MSI2: variants seen among roughly 807,000 people sequenced by gnomAD.
MSI2 encodes RNA-binding protein Musashi homolog 2.
MSI2 carries 17 observed loss-of-function variants against 45.6 expected under a neutral mutation model. The observed-to-expected ratio is 0.37, with a 90% CI of 0.26 to 0.56. The LOEUF (loss-of-function observed/expected upper bound fraction) is 0.56. MSI2 is among the 20% of genes least tolerant of loss of function. The pLI is 0.77. For missense variants in MSI2, 293 were observed against 444.2 expected (o/e 0.66, Z 3.06); for synonymous variants, 156 against 158.2 (o/e 0.99, Z 0.11).
chr17:57,700,233 G>C, the MSI2 span, among the ~76,000 whole-genome samples: 2 of 152,196 alleles, frequency 1.3e-5, no homozygotes, highest in Non-Finnish European at 2.9e-5. Flanking sequence ...TAGCTCGGCT[G>C]TGCTTTTATG....
At position 57,524,693 on chromosome 17, in the gene MSI2, T is replaced by C. The variant is rs537782789; in HGVS notation, c.406-4983T>C. 2.8e-4 allele frequency among the ~76,000 whole-genome samples: 42 copies of C among 152,312 alleles called. No individual in the cohort carries two copies. In the South Asian group the frequency reaches 8.5e-3, roughly 31 times the overall value. ...TCTTATCATCTTTTCCATCGTGGGG[T>C]CTACCATCATCATTTTTAGGATTTT... On this transcript the variant is annotated intron_variant, in intron 6 of 13. Coordinates refer to ENST00000284073, the MANE Select transcript of MSI2 (RefSeq NM_138962.4).
chr17:57,671,794 G>A (rs1249126377), intron 11 of MSI2, among the ~76,000 whole-genome samples: 6 of 152,250 alleles, frequency 3.9e-5, no homozygotes, highest in South Asian at 4.1e-4. Flanking sequence ...TTTATGTGCC[G>A]AGTGGCAGTC....
At chr17:57,408,900 C>A (rs149990370) in intron 6 of MSI2, among the ~76,000 whole-genome samples, 3,567 of 152,000 alleles carry the variant, frequency 0.023, 141 homozygotes, top group African/African-American at 0.082. Flanking sequence ...CCCCCACCTC[C>A]GTAGGATACC....
intron 5 of MSI2, among the ~76,000 whole-genome samples, chr17:57,321,018 A>G (rs1243692084): frequency 1.3e-5 from 2 of 149,152 alleles, no homozygotes; most frequent in Admixed American, 1.3e-4. Context: ...ATTCTGTACC[A>G]CTCACCTGGA....
At chr17:57,533,697 C>A in intron 7 of MSI2, among the ~76,000 whole-genome samples, 1 of 152,278 alleles carries the variant, frequency 6.6e-6, no homozygotes, top group South Asian at 2.1e-4. Flanking sequence ...CAGGAGAGGG[C>A]AGAGGGAGAA....
intron 6 of MSI2, among the ~76,000 whole-genome samples, chr17:57,456,226 G>A (rs1246419536): frequency 2.0e-5 from 3 of 152,190 alleles, no homozygotes; most frequent in Non-Finnish European, 2.9e-5. Flanking sequence ...GGGTGCACAC[G>A]GGGAGACAGA....
At chr17:57,701,539 A>G in the MSI2 span, among the ~76,000 whole-genome samples, 1 of 152,100 alleles carries the variant, frequency 6.6e-6, no homozygotes, top group African/African-American at 2.4e-5. Context: ...TGAATTTCCC[A>G]GCCTCCAGAA....
intron 5 of MSI2, among the ~76,000 whole-genome samples, chr17:57,276,237 C>G (rs146319067): frequency 1.0e-3 from 155 of 152,298 alleles, no homozygotes; most frequent in African/African-American, 3.4e-3. Flanking sequence ...CCAAGTCCAT[C>G]GAGTTATGGG....
At chr17:57,532,992 A>G (rs2086851827) in intron 7 of MSI2, among the ~76,000 whole-genome samples, 1 of 152,218 alleles carries the variant, frequency 6.6e-6, no homozygotes, top group Admixed American at 6.5e-5. Context: ...GGGGATAACC[A>G]CAGGGAACTG....
At chr17:57,651,331 C>T (rs774884949) in intron 10 of MSI2, among the ~76,000 whole-genome samples, 31 of 152,236 alleles carry the variant, frequency 2.0e-4, no homozygotes, top group Admixed American at 6.5e-4. Context: ...TCATCTAGAC[C>T]GTGGGGCTCA....
At chr17:57,415,128 A>T (rs891798281) in intron 6 of MSI2, among the ~76,000 whole-genome samples, 5 of 151,960 alleles carry the variant, frequency 3.3e-5, no homozygotes, top group African/African-American at 1.2e-4. Context: ...GATGTTATGG[A>T]TCCTCTGGGC....
chr17:57,560,008 G>A (rs1038889887), intron 7 of MSI2, among the ~76,000 whole-genome samples: 5 of 152,258 alleles, frequency 3.3e-5, no homozygotes, highest in African/African-American at 4.8e-5. Context: ...TCTGAGGCCC[G>A]TGGCCATCTG....
At chr17:57,304,481 C>T (rs1457333755) in intron 5 of MSI2, among the ~76,000 whole-genome samples, 9 of 144,720 alleles carry the variant, frequency 6.2e-5, no homozygotes, top group Non-Finnish European at 1.2e-4. Context: ...GGAGTGCAGT[C>T]GTGTGCTCTC....
At chr17:57,468,292 C>T (rs909945931) in intron 6 of MSI2, among the ~76,000 whole-genome samples, 10 of 151,464 alleles carry the variant, frequency 6.6e-5, no homozygotes, top group South Asian at 4.2e-4. Context: ...TTTGGGAGGC[C>T]GAGACGGGCA....
At chr17:57,438,143 G>A (rs976110150) in intron 6 of MSI2, among the ~76,000 whole-genome samples, 2 of 152,204 alleles carry the variant, frequency 1.3e-5, no homozygotes, top group African/African-American at 2.4e-5. Context: ...TAGAGGTGGG[G>A]TGGGGCAGGT....
chr17:57,376,922 C>CTT (rs1209135893), intron 5 of MSI2, among the ~76,000 whole-genome samples: 2 of 123,990 alleles, frequency 1.6e-5, no homozygotes, highest in East Asian at 2.4e-4. Context: ...CTGCAAGTGC[C>CTT]TTTTTTTTTT....
At chr17:57,370,553 G>A (rs991403900) in intron 5 of MSI2, among the ~76,000 whole-genome samples, 5 of 152,156 alleles carry the variant, frequency 3.3e-5, no homozygotes, top group African/African-American at 1.2e-4. Flanking sequence ...TTAGTCCTAA[G>A]ACTGGAATGA....
At position 57,359,829 on chromosome 17, in the gene MSI2, G is replaced by A. The variant is rs190018299; in HGVS notation, c.313-41550G>A. 3.8e-3 allele frequency among the ~76,000 whole-genome samples: 575 copies of A among 152,280 alleles called. 5 individuals carry two copies. The highest frequency in any genetic ancestry group is 0.01 in the Middle Eastern group (3 of 294). On this transcript the variant is annotated intron_variant, in intron 5 of 13. Coordinates refer to ENST00000284073, the MANE Select transcript of MSI2 (RefSeq NM_138962.4). ...AATATAGTTTAAAATTTCTTTATGA[G>A]TGTTCTCCTATTTGCTGCCTTAGCC...
At position 57,470,968 on chromosome 17, in the gene MSI2, G is replaced by A. The variant is rs900236352; in HGVS notation, c.406-58708G>A. 2.0e-5 allele frequency among the ~76,000 whole-genome samples: 3 copies of A among 152,224 alleles called. No homozygotes were observed. The South Asian group carries it at 6.2e-4, about 32-fold the overall frequency. ...TTCCTGCTCTGGAGTGGCCACCCCAGGAGGGATGGCTGTTGGCATTCTCTT... is the reference window on the plus strand; with the variant it reads ...TTCCTGCTCTGGAGTGGCCACCCCAAGAGGGATGGCTGTTGGCATTCTCTT... On this transcript the variant is annotated intron_variant, in intron 6 of 13. Transcript: ENST00000284073.
Sources: gnomAD v4.1 joint callset for allele counts (sites outside exome capture counted in the v4.1 genomes callset) on GRCh38, gnomAD v4.1.1 for gene constraint, MANE v1.5 for transcripts, NCBI Gene and HGNC (gene_info 2026-07-23, HGNC 2026-07-21) for gene names.